Variants in NOL10 observed in about 807,000 individuals in gnomAD.
The protein encoded by NOL10 is H_NH0074G24.1.
Under a neutral mutation model 103.5 loss-of-function variants are expected in NOL10, and 58 were observed. That is an observed-to-expected ratio of 0.56 (90% CI 0.45 to 0.70). The LOEUF (loss-of-function observed/expected upper bound fraction) is 0.70. Among genes scored for constraint, NOL10 ranks in the 30% least tolerant of loss-of-function variants. The pLI, the probability that NOL10 is intolerant of heterozygous loss-of-function variation, is 0.00. For missense variants in NOL10, 763 were observed against 807.3 expected (o/e 0.95, Z 0.67); for synonymous variants, 287 against 282.5 (o/e 1.02, Z -0.16).
At chr2:10,595,233 G>A (rs1179075009) in intron 17 of NOL10, among the ~76,000 whole-genome samples, 4 of 151,938 alleles carry the variant, frequency 2.6e-5, no homozygotes, top group Admixed American at 1.3e-4. Context: ...GAGAAGAGGT[G>A]AAAATGGAGG....
intron 5 of NOL10, 101 bp downstream of exon 5, chr2:10,673,414 TTTTAG>T: frequency 1.5e-6 from 1 of 657,470 alleles, no homozygotes; most frequent in Non-Finnish European, 2.4e-6. Context: ...TACACAGCCA[TTTTAG>T]TTTAACAATA....
At position 10,571,851 on chromosome 2, in the gene NOL10, G is replaced by A. The variant is rs1038164740; in HGVS notation, c.*220C>T. ...AAGGACAATGTTTCCAGGGAGCAAC[G>A]ACTCGCAAGCACACCCCTGGGGCTG... is the stretch of plus-strand genomic sequence containing the variant. On this transcript the variant is annotated 3_prime_UTR_variant, in exon 21 of 21. Coordinates refer to ENST00000381685, the MANE Select transcript of NOL10 (RefSeq NM_024894.4). The A allele has an allele frequency of 3.8e-5, 16 of 423,028 alleles. No homozygotes were observed. The highest frequency in any genetic ancestry group is 1.5e-4 in the East Asian group (4 of 27,196). The allele number at this position is 423,028 out of a possible 1,614,324, so 26.2% of individuals were successfully genotyped here.
chr2:10,633,933 C>G (rs1247012989), intron 13 of NOL10, among the ~76,000 whole-genome samples: 1 of 151,966 alleles, frequency 6.6e-6, no homozygotes, highest in African/African-American at 2.4e-5. Flanking sequence ...CTCAAGGGAT[C>G]CTCCTGCCTC....
chr2:10,689,913 G>T lies in NOL10; in HGVS notation c.-52C>A. 1.3e-6 allele frequency: 2 copies of T among 1,541,188 alleles called. No individual in the cohort carries two copies. The highest frequency in any genetic ancestry group is 1.8e-6 in the Non-Finnish European group (2 of 1,133,044). ...CGGGTCCTTTCCCACCAGCGTGCTCGAGCACCGTAATCCCGGGACCTCCGA... is the reference window on the plus strand; with the variant it reads ...CGGGTCCTTTCCCACCAGCGTGCTCTAGCACCGTAATCCCGGGACCTCCGA... On this transcript the variant is annotated 5_prime_UTR_variant, in exon 1 of 21. Transcript: ENST00000381685.
At chr2:10,608,451 T>C (rs374151381) in intron 13 of NOL10, among the ~76,000 whole-genome samples, 1 of 152,218 alleles carries the variant, frequency 6.6e-6, no homozygotes, top group East Asian at 1.9e-4. Flanking sequence ...GAGGTCAATG[T>C]ATGCCAAAGG....
At chr2:10,642,752 G>C (rs919344049) in intron 13 of NOL10, among the ~76,000 whole-genome samples, 1 of 151,992 alleles carries the variant, frequency 6.6e-6, no homozygotes, top group Admixed American at 6.6e-5. Flanking sequence ...GCTATCCTTC[G>C]GTCCCTCCTT....
At chr2:10,667,092 C>CA in intron 8 of NOL10, 126 bp downstream of exon 8, 1 of 661,234 alleles carries the variant, frequency 1.5e-6, no homozygotes, top group Admixed American at 2.4e-5. Flanking sequence ...TGTTACTCTA[C>CA]AGGATGTTCA....
intron 19 of NOL10, among the ~76,000 whole-genome samples, chr2:10,580,180 T>C (rs1288378267): frequency 6.6e-6 from 1 of 152,258 alleles, no homozygotes; most frequent in African/African-American, 2.4e-5. Flanking sequence ...TTCTTGAGTG[T>C]GACTTCGGTC....
At chr2:10,646,401 C>CA (rs562070727) in intron 12 of NOL10, among the ~76,000 whole-genome samples, 4 of 152,114 alleles carry the variant, frequency 2.6e-5, no homozygotes, top group African/African-American at 9.7e-5. Context: ...TGTAATTACA[C>CA]AAAAAAATTC....
chr2:10,578,384 T>C (rs994855659), intron 19 of NOL10, among the ~76,000 whole-genome samples: 1 of 152,280 alleles, frequency 6.6e-6, no homozygotes, highest in African/African-American at 2.4e-5. Context: ...GATTCAGCTC[T>C]AGCCACTGCT....
rs1459563465 is a variant in NOL10 at position 10,572,092 on chromosome 2, T to C, written c.2046A>G (p.Lys682=). Residue 682 remains lysine (K), a synonymous_variant, in exon 21 of 21, where the codon AAA becomes AAG. Transcript: ENST00000381685. ...CAAATCAATGAAACGACCGTCCTCT[T>C]TTGTGTCTTGACTTCAGGTGTCCGG... is the stretch of plus-strand genomic sequence containing the variant. ...RSAGHLKSRH[K]RGRSFH The C allele has an allele frequency of 6.2e-7, 1 of 1,613,904 alleles. No individual in the cohort carries two copies. The highest frequency in any genetic ancestry group is 2.2e-5 in the East Asian group (1 of 44,888).
chr2:10,577,743 G>A lies in NOL10; in HGVS notation c.1845-5C>T, dbSNP rs764956288. On this transcript the variant is annotated splice_region_variant and splice_polypyrimidine_tract_variant and intron_variant, in intron 19 of 20. Transcript: ENST00000381685. ...AAACGATCTTCAAGGGTTTTGCTAT[G>A]GGAAATTCAAAAGAATGCCACATTA... The A allele has an allele frequency of 3.2e-6, 5 of 1,585,094 alleles. No homozygotes were observed. The highest frequency in any genetic ancestry group is 4.3e-6 in the Non-Finnish European group (5 of 1,160,410).
At chr2:10,615,756 A>G (rs1285268673) in intron 13 of NOL10, among the ~76,000 whole-genome samples, 1 of 152,194 alleles carries the variant, frequency 6.6e-6, no homozygotes, top group African/African-American at 2.4e-5. Context: ...TCAAGGCTCT[A>G]AGCATGGGGG....
At position 10,659,024 on chromosome 2, in the gene NOL10, G is replaced by A. The variant is rs1680014566; in HGVS notation, c.756+148C>T. The A allele has an allele frequency of 7.7e-6, 5 of 646,442 alleles. No individual in the cohort carries two copies. The East Asian group carries it at 1.4e-4, about 18-fold the overall frequency. 40.0% of individuals were successfully genotyped at this position (646,442 alleles called of 1,614,324 possible). ...GGCAAGAGTCAAGATTTCTCAAGGT[G>A]TGGAAGAATCCAGCATTCTGGAATA... On this transcript the variant is annotated intron_variant, in intron 10 of 20. Transcript: ENST00000381685.
intron 17 of NOL10, among the ~76,000 whole-genome samples, chr2:10,596,386 A>G (rs1675696811): frequency 6.6e-6 from 1 of 152,052 alleles, no homozygotes; most frequent in South Asian, 2.1e-4. Flanking sequence ...CATAATATAA[A>G]ATCAGCGGGA....
At chr2:10,656,588 A>C (rs1679853951) in intron 11 of NOL10, among the ~76,000 whole-genome samples, 1 of 152,182 alleles carries the variant, frequency 6.6e-6, no homozygotes, top group South Asian at 2.1e-4. Context: ...AATTTAAAAA[A>C]CCAAAGTAAC....
rs772538822 is a variant in NOL10 at position 10,603,098 on chromosome 2, C to T, written c.1213G>A (p.Asp405Asn). 1 of 1,610,260 alleles carries T rather than the reference C, an allele frequency of 6.2e-7. No individual in the cohort carries two copies. Among genetic ancestry groups the T allele is most frequent in the Non-Finnish European group, 8.5e-7 (1 of 1,177,926 alleles). Residue 405 changes from aspartate to asparagine, a missense_variant, in exon 15 of 21, where the codon GAT (aspartate) becomes AAT (asparagine). Physicochemically the swap from Asp to Asn is conservative, Grantham distance 23 (BLOSUM62 1). Coordinates refer to ENST00000381685, the MANE Select transcript of NOL10 (RefSeq NM_024894.4). ...LRAYMHGFFM[D>N]IRLYHKVKLM... ...TTTACCTTGTGATAGAGTCTTATAT[C>T]CATGAAAAACCCATGCATATATGCC...
intron 13 of NOL10, among the ~76,000 whole-genome samples, chr2:10,624,974 C>T (rs780617372): frequency 2.0e-5 from 3 of 152,132 alleles, no homozygotes; most frequent in Non-Finnish European, 4.4e-5. Context: ...CACAAACAGA[C>T]ATGGAGGAAT....
rs1676312885 is a variant in NOL10, at chr2:10,607,308, A to C, written c.1030T>G (p.Leu344Val). Residue 344 changes from leucine to valine, a missense_variant, in exon 14 of 21, where the codon TTG (leucine) becomes GTG (valine). Coordinates refer to ENST00000381685, the MANE Select transcript of NOL10 (RefSeq NM_024894.4). ...PKMGIYYIPV[L>V]GPAPRWCSFL... ...GAACACCACCGAGGAGCAGGACCCA[A>C]AACCTGTTGGTGTTTATGAGAAGGT... 6.2e-6 allele frequency: 10 copies of C among 1,600,052 alleles called. No individual in the cohort carries two copies. The highest frequency in any genetic ancestry group is 8.5e-6 in the Non-Finnish European group (10 of 1,174,494).
Sources: allele counts gnomAD v4.1 joint callset (sites outside exome capture counted in the v4.1 genomes callset), GRCh38; gene constraint gnomAD v4.1.1; transcripts MANE v1.5; gene names NCBI Gene and HGNC (gene_info 2026-07-23, HGNC 2026-07-21).